The following SNX29 variants were observed in gnomAD, a reference collection of about 807,000 sequenced individuals.
The protein encoded by SNX29 is sorting nexin-29.
A neutral mutation model predicts 102.1 loss-of-function variants in SNX29; 78 were observed. The ratio of observed to expected loss-of-function variants is 0.76; its 90% CI spans 0.64 to 0.92. SNX29 has a LOEUF of 0.92. SNX29 is among the 40% of genes least tolerant of loss of function. The pLI is 0.00. For synonymous variants in SNX29, 580 were observed against 414.5 expected, an observed-to-expected ratio of 1.40 and a Z score of -4.85; for missense variants, 1,280 against 1,061.7, an observed-to-expected ratio of 1.21 and a Z score of -2.86.
At chr16:12,129,431 T>C (rs1567232572) in intron 12 of SNX29, among the ~76,000 whole-genome samples, 199 bp from the exon 13 acceptor site, 2 of 152,374 alleles carry the variant, frequency 1.3e-5, no homozygotes, top group East Asian at 3.9e-4. Context: ...CATAGATGAC[T>C]GTCCCTTAAT....
intron 19 of SNX29, among the ~76,000 whole-genome samples, chr16:12,519,953 C>G (rs1421656265): frequency 6.6e-6 from 1 of 151,976 alleles, no homozygotes; most frequent in African/African-American, 2.4e-5. Flanking sequence ...CACTGCACTC[C>G]AGCCTGGGCG....
chr16:12,551,689 C>A (rs1034298318), intron 20 of SNX29, among the ~76,000 whole-genome samples: 7 of 152,194 alleles, frequency 4.6e-5, no homozygotes, highest in African/African-American at 1.7e-4. Flanking sequence ...AAAAGTACCA[C>A]CCTCCTTTCA....
intron 15 of SNX29, among the ~76,000 whole-genome samples, chr16:12,329,199 C>T (rs529494905): frequency 5.6e-5 from 8 of 142,616 alleles, no homozygotes; most frequent in Non-Finnish European, 1.0e-4. Flanking sequence ...ATCTCTTGAG[C>T]CCAGGAGTTC....
At chr16:12,207,575 C>T (rs564794626) in intron 14 of SNX29, among the ~76,000 whole-genome samples, 2 of 152,270 alleles carry the variant, frequency 1.3e-5, no homozygotes, top group East Asian at 3.9e-4. Flanking sequence ...CACAGAGCTG[C>T]TTTGCTGTTA....
chr16:12,315,326 A>G (rs748520622), intron 15 of SNX29, among the ~76,000 whole-genome samples: 1 of 152,190 alleles, frequency 6.6e-6, no homozygotes, highest in Non-Finnish European at 1.5e-5. Flanking sequence ...GTGGCCAGAG[A>G]GTAAATTCTT....
chr16:12,571,707 T>C lies in SNX29; in HGVS notation c.*3078T>C. ...CTCCTTGAGAGACAACAAAAGCTTC[T>C]AAGGGAGGGAGCTTAAAGGCTGCTA... On this transcript the variant is annotated 3_prime_UTR_variant, in exon 21 of 21. Coordinates refer to ENST00000566228, the MANE Select transcript of SNX29 (RefSeq NM_032167.5). The C allele has an allele frequency of 9.4e-7, 1 of 1,058,478 alleles. No homozygotes were observed. Among genetic ancestry groups the C allele is most frequent in the Non-Finnish European group, 1.1e-6 (1 of 874,380 alleles). The allele number at this position is 1,058,478 out of a possible 1,614,324, so 65.6% of individuals were successfully genotyped here.
intron 20 of SNX29, among the ~76,000 whole-genome samples, chr16:12,547,698 G>C (rs2077697463): frequency 6.6e-6 from 1 of 152,108 alleles, no homozygotes; most frequent in African/African-American, 2.4e-5. Context: ...CCGCGTTCCT[G>C]TCTGGGATCT....
chr16:12,100,690 C>T (rs1324670720), intron 11 of SNX29, among the ~76,000 whole-genome samples: 1 of 97,732 alleles, frequency 1.0e-5, no homozygotes, highest in Non-Finnish European at 2.0e-5. Flanking sequence ...GGTGGGGGTG[C>T]TGGGTGTGGC....
intron 14 of SNX29, among the ~76,000 whole-genome samples, chr16:12,219,998 G>A (rs1282624417): frequency 4.6e-5 from 7 of 152,220 alleles, no homozygotes; most frequent in Non-Finnish European, 1.0e-4. Flanking sequence ...CTCTCTCTGT[G>A]TCCCTGACTG....
At chr16:12,428,711 A>G (rs367823044) in intron 18 of SNX29, among the ~76,000 whole-genome samples, 26 of 152,240 alleles carry the variant, frequency 1.7e-4, no homozygotes, top group African/African-American at 6.3e-4. Context: ...TGCAATTAAT[A>G]TCTCTTTCTA....
intron 4 of SNX29, among the ~76,000 whole-genome samples, chr16:12,032,331 C>T (rs2057368659): frequency 6.6e-6 from 1 of 151,902 alleles, no homozygotes; most frequent in South Asian, 2.1e-4. Context: ...CCTCAGCCTC[C>T]CAAGTAGCTG....
intron 14 of SNX29, among the ~76,000 whole-genome samples, chr16:12,259,323 C>A (rs566006506): frequency 6.6e-6 from 1 of 152,186 alleles, no homozygotes; most frequent in African/African-American, 2.4e-5. Flanking sequence ...GCTGCTCGTT[C>A]TACCCCGTCT....
At chr16:12,242,368 T>TATATATATATATA (rs1491230065) in intron 14 of SNX29, among the ~76,000 whole-genome samples, 1 of 117,128 alleles carries the variant, frequency 8.5e-6, no homozygotes, top group African/African-American at 3.4e-5. Flanking sequence ...TATATATATA[T>TATATATATATATA]TTTTTTTTTT....
intron 19 of SNX29, among the ~76,000 whole-genome samples, chr16:12,503,835 G>C (rs111715857): frequency 4.5e-4 from 69 of 152,280 alleles, no homozygotes; most frequent in African/African-American, 1.6e-3. Context: ...AACGTCCTAA[G>C]ATTAGATTCC....
intron 14 of SNX29, among the ~76,000 whole-genome samples, chr16:12,252,824 A>T (rs1030176916): frequency 2.6e-5 from 4 of 152,146 alleles, no homozygotes; most frequent in African/African-American, 9.7e-5. Flanking sequence ...CTGTGTCTCC[A>T]AGCAGCACGG....
chr16:12,542,328 A>C (rs1264022992), intron 20 of SNX29, among the ~76,000 whole-genome samples: 1 of 152,230 alleles, frequency 6.6e-6, no homozygotes, highest in Non-Finnish European at 1.5e-5. Context: ...AGCTGCTGTT[A>C]GAGCAAGAGA....
At chr16:12,397,132 A>G (rs376386032) in intron 16 of SNX29, among the ~76,000 whole-genome samples, 42 of 152,298 alleles carry the variant, frequency 2.8e-4, no homozygotes, top group African/African-American at 8.4e-4. Context: ...GGCTCAAGCA[A>G]TCTGCCCACC....
chr16:12,299,885 C>A (rs1203598017), intron 15 of SNX29, among the ~76,000 whole-genome samples: 2 of 131,092 alleles, frequency 1.5e-5, no homozygotes, highest in East Asian at 4.3e-4. Flanking sequence ...TTTTTTCTTT[C>A]TTTGAGATCG....
At chr16:12,165,670 T>C (rs1281654776) in intron 13 of SNX29, among the ~76,000 whole-genome samples, 2 of 152,214 alleles carry the variant, frequency 1.3e-5, no homozygotes, top group Non-Finnish European at 2.9e-5. Context: ...AAGCAGTTCT[T>C]CTGCCTCAGC....
Sources: allele counts gnomAD v4.1 joint callset (sites outside exome capture counted in the v4.1 genomes callset), GRCh38; gene constraint gnomAD v4.1.1; transcripts MANE v1.5; gene names NCBI Gene and HGNC (gene_info 2026-07-23, HGNC 2026-07-21).